Variants in TUSC3 observed in about 807,000 individuals in gnomAD.
The protein encoded by TUSC3 is dolichyl-diphosphooligosaccharide--protein glycosyltransferase subunit TUSC3.
Under a neutral mutation model 44.8 loss-of-function variants are expected in TUSC3, and 45 were observed. The observed-to-expected ratio is 1.00, with a 90% CI of 0.79 to 1.29. The LOEUF (loss-of-function observed/expected upper bound fraction) is 1.29, where lower values mean the gene tolerates loss of function less well. Ranked by LOEUF, TUSC3 falls within the 50% of genes most tolerant of loss-of-function variation. The pLI is 0.00. For missense variants in TUSC3, 519 were observed against 437.9 expected (o/e 1.19, Z -1.65); for synonymous variants, 212 against 152.9 (o/e 1.39, Z -2.85).
At chr8:15,757,148 G>A (rs538067872) in intron 9 of TUSC3, among the ~76,000 whole-genome samples, 1 of 152,154 alleles carries the variant, frequency 6.6e-6, no homozygotes, top group African/African-American at 2.4e-5. Flanking sequence ...AAAAAAACTC[G>A]TTCTTAAAAA....
intron 6 of TUSC3, among the ~76,000 whole-genome samples, chr8:15,704,828 T>A (rs1809552085): frequency 6.6e-6 from 1 of 152,042 alleles, no homozygotes; most frequent in South Asian, 2.1e-4. Context: ...TTCTTACGTT[T>A]GATTTTTTAG....
chr8:15,617,120 A>ATGTG (rs143444660), intron 1 of TUSC3, among the ~76,000 whole-genome samples: 1 of 123,720 alleles, frequency 8.1e-6, no homozygotes, highest in Non-Finnish European at 1.6e-5. Flanking sequence ...TATCTGTAAA[A>ATGTG]TGTGTGTGTG....
chr8:15,735,870 GT>G (rs747513015), intron 7 of TUSC3, among the ~76,000 whole-genome samples: 117 of 40,208 alleles, frequency 2.9e-3, no homozygotes, highest in African/African-American at 4.6e-3. Context: ...CGGCTAATGG[GT>G]TTTTTTTTTT....
intron 2 of TUSC3, among the ~76,000 whole-genome samples, chr8:15,526,597 T>G (rs1205652041): frequency 6.6e-6 from 1 of 152,146 alleles, no homozygotes; most frequent in Non-Finnish European, 1.5e-5. Flanking sequence ...TTCTCTTGGC[T>G]CTCATTCTCT....
chr8:15,471,348 AT>A (rs1227612699), intron 1 of TUSC3, among the ~76,000 whole-genome samples: 1 of 152,114 alleles, frequency 6.6e-6, no homozygotes, highest in Non-Finnish European at 1.5e-5. Flanking sequence ...AATATAAATT[AT>A]TTTTTGTAAA....
chr8:15,629,980 A>G (rs1563142886), intron 2 of TUSC3, among the ~76,000 whole-genome samples: 1 of 151,146 alleles, frequency 6.6e-6, no homozygotes, highest in African/African-American at 2.4e-5. Context: ...ACTACTCTAT[A>G]TAATTCTCAC....
chr8:15,686,234 C>A (rs1486724714), intron 6 of TUSC3, among the ~76,000 whole-genome samples: 1 of 152,026 alleles, frequency 6.6e-6, no homozygotes, highest in African/African-American at 2.4e-5. Flanking sequence ...AAGCAATAAT[C>A]TTTAACAATA....
At chr8:15,426,459 C>A (rs1799805650) in intron 1 of TUSC3, among the ~76,000 whole-genome samples, 1 of 152,204 alleles carries the variant, frequency 6.6e-6, no homozygotes, top group East Asian at 1.9e-4. Context: ...ATGAGTTTGA[C>A]TGTTATAGAT....
chr8:15,757,662 G>T lies in TUSC3; in HGVS notation c.1029-129G>T, dbSNP rs571190711. 814 of 1,189,414 alleles carry T rather than the reference G, an allele frequency of 6.8e-4. 2 individuals carry two copies. The highest frequency in any genetic ancestry group is 1.1e-3 in the South Asian group (89 of 79,180). The allele number at this position is 1,189,414 out of a possible 1,614,324, so 73.7% of individuals were successfully genotyped here. On this transcript the variant is annotated intron_variant, in intron 9 of 10. Transcript: ENST00000503731. Reference sequence around the variant, plus strand: ...GCTGGCATTCTGTAAAGGCACCATCGTCTATCCCCTGTCTTATCTAGATAA... The same window carrying T: ...GCTGGCATTCTGTAAAGGCACCATCTTCTATCCCCTGTCTTATCTAGATAA...
At chr8:15,840,603 G>A in the TUSC3 span, among the ~76,000 whole-genome samples, 2 of 152,072 alleles carry the variant, frequency 1.3e-5, no homozygotes, top group Non-Finnish European at 1.5e-5. Flanking sequence ...TCTAATTTCT[G>A]AAGTTTCTTA....
chr8:15,716,229 C>T (rs1810053914), intron 6 of TUSC3, among the ~76,000 whole-genome samples: 1 of 152,110 alleles, frequency 6.6e-6, no homozygotes, highest in Non-Finnish European at 1.5e-5. Flanking sequence ...GCACTCCAGC[C>T]TGGGCGACAG....
chr8:15,554,947 A>G (rs1362747143), intron 1 of TUSC3, among the ~76,000 whole-genome samples: 3 of 151,358 alleles, frequency 2.0e-5, no homozygotes, highest in African/African-American at 7.3e-5. Flanking sequence ...GGAAATAGGT[A>G]AATTGACTCA....
the TUSC3 span, among the ~76,000 whole-genome samples, chr8:15,780,686 C>G: frequency 6.6e-6 from 1 of 152,054 alleles, no homozygotes; most frequent in African/African-American, 2.4e-5. Flanking sequence ...TTTCTCATCC[C>G]TCTTCCCTGG....
intron 1 of TUSC3, among the ~76,000 whole-genome samples, chr8:15,599,754 C>G (rs1345079112): frequency 6.8e-6 from 1 of 147,910 alleles, no homozygotes; most frequent in Non-Finnish European, 1.5e-5. Context: ...TGTTTCTTAG[C>G]CCTCTATTCT....
the TUSC3 span, among the ~76,000 whole-genome samples, chr8:15,839,458 A>G: frequency 3.3e-5 from 5 of 149,510 alleles, no homozygotes; most frequent in African/African-American, 7.4e-5. Context: ...ATGGGAGAAA[A>G]TTTTTGCAAT....
At chr8:15,572,152 G>T (rs74722264) in intron 1 of TUSC3, among the ~76,000 whole-genome samples, 1,539 of 152,296 alleles carry the variant, frequency 0.01, 25 homozygotes, top group African/African-American at 0.034. Context: ...TCCAGTAGAA[G>T]GATGTTTAGT....
At chr8:15,426,265 A>C (rs898305935) in intron 1 of TUSC3, among the ~76,000 whole-genome samples, 1 of 152,204 alleles carries the variant, frequency 6.6e-6, no homozygotes, top group East Asian at 1.9e-4. Context: ...AACACCTAAC[A>C]TAAAATCTAC....
At chr8:15,473,465 C>G (rs1344457663) in intron 1 of TUSC3, among the ~76,000 whole-genome samples, 2 of 152,226 alleles carry the variant, frequency 1.3e-5, no homozygotes, top group Non-Finnish European at 2.9e-5. Flanking sequence ...TCCATTGTCA[C>G]TCAAAGCATT....
chr8:15,441,235 C>T lies in TUSC3; in HGVS notation n.91+23930C>T, dbSNP rs187054754. Among the ~76,000 whole-genome samples, 66 of 152,208 alleles carry T rather than the reference C, an allele frequency of 4.3e-4. 3 individuals are homozygous for T. In the Middle Eastern group the frequency reaches 0.014, roughly 31 times the overall value. ...CAGTCTTGTCAACATGACGAAACCC[C>T]GTCTCTACTGAAAATACAAAAATTA... On this transcript the variant is annotated intron_variant and non_coding_transcript_variant, in intron 1 of 5. Transcript: ENST00000503191.
Sources: allele counts gnomAD v4.1 joint callset (sites outside exome capture counted in the v4.1 genomes callset), GRCh38; gene constraint gnomAD v4.1.1; transcripts MANE v1.5; gene names NCBI Gene and HGNC (gene_info 2026-07-23, HGNC 2026-07-21).